SULT6B1: variants seen among roughly 807,000 people sequenced by gnomAD.
The protein encoded by SULT6B1 is sulfotransferase family 6B member 1, also known as sulfotransferase 6B1.
In SULT6B1, 44 loss-of-function variants were observed where a neutral mutation model predicts 37.2. That is an observed-to-expected ratio of 1.18 (90% CI 0.93 to 1.52). SULT6B1 has a LOEUF of 1.52. SULT6B1 is among the 40% of genes most tolerant of loss of function. SULT6B1 has a pLI of 0.00. For synonymous variants in SULT6B1, 140 were observed against 126.0 expected (o/e 1.11, Z -0.74); for missense variants, 450 against 361.0 (o/e 1.25, Z -2.00).
chr2:37,179,192 T>G (rs1558447797), intron 4 of SULT6B1, among the ~76,000 whole-genome samples: 1 of 152,134 alleles, frequency 6.6e-6, no homozygotes, highest in Non-Finnish European at 1.5e-5. Flanking sequence ...TCTCCTGACC[T>G]TGTGATCTGC....
rs199736299 is a variant in SULT6B1 at position 37,183,445 on chromosome 2, T to C, written c.382A>G (p.Ile128Val). The change falls in exon 3 of 7, where the codon ATC becomes GTC. Residue 128 changes from isoleucine (I) to valine (V), a missense_variant. Coordinates refer to ENST00000535679, the MANE Select transcript of SULT6B1 (RefSeq NM_001367551.1). ...CTCACCTTGGCTTTATTCTCGAAGA[T>C]AGACCCAGGTAATTTGTCATAGTGG... ...HLHYDKLPGS[I>V]FENKAKILVI... 20 of 1,614,102 alleles carry C rather than the reference T, an allele frequency of 1.2e-5. No individual in the cohort carries two copies. Among genetic ancestry groups the C allele is most frequent in the East Asian group, 1.1e-4 (5 of 44,882 alleles).
chr2:37,168,533 G>T (rs1408592252), intron 6 of SULT6B1, among the ~76,000 whole-genome samples: 1 of 152,176 alleles, frequency 6.6e-6, no homozygotes, highest in African/African-American at 2.4e-5. Flanking sequence ...CACCATCTGT[G>T]GTGTGGGAGG....
chr2:37,174,292 T>G (rs1462513171), intron 5 of SULT6B1, among the ~76,000 whole-genome samples: 6 of 138,162 alleles, frequency 4.3e-5, no homozygotes, highest in Non-Finnish European at 9.1e-5. Context: ...TGGAGTGTGG[T>G]GGCCTAATCA....
intron 5 of SULT6B1, 109 bp downstream of exon 5, chr2:37,175,023 T>G: frequency 1.8e-6 from 1 of 568,744 alleles, no homozygotes; most frequent in Non-Finnish European, 2.9e-6. Context: ...TCTGGAATAT[T>G]TTTAAAAATT....
At chr2:37,177,361 T>C (rs1300819718) in intron 4 of SULT6B1, among the ~76,000 whole-genome samples, 2 of 134,686 alleles carry the variant, frequency 1.5e-5, no homozygotes, top group Non-Finnish European at 3.0e-5. Flanking sequence ...AAGGCTGCAG[T>C]GAGCCTTGCC....
At chr2:37,174,227 CTTTTTTTTTTT>C (rs35100458) in intron 5 of SULT6B1, among the ~76,000 whole-genome samples, 1 of 58,478 alleles carries the variant, frequency 1.7e-5, no homozygotes, top group African/African-American at 6.7e-5. Context: ...TCTTCCTATT[CTTTTTTTTTTT>C]TTTTTTTTTT....
chr2:37,181,418 G>A (rs528034817), intron 3 of SULT6B1, among the ~76,000 whole-genome samples: 1 of 152,252 alleles, frequency 6.6e-6, no homozygotes, highest in Admixed American at 6.5e-5. Flanking sequence ...GTCTGACTCT[G>A]TTACCCAGGC....
chr2:37,174,068 T>C (rs780623194), intron 5 of SULT6B1, among the ~76,000 whole-genome samples: 15 of 152,040 alleles, frequency 9.9e-5, no homozygotes, highest in Non-Finnish European at 2.1e-4. Context: ...ACATCTGCTG[T>C]CCCTTAATCT....
chr2:37,187,872 AG>A (rs1315226444), intron 1 of SULT6B1, among the ~76,000 whole-genome samples: 2 of 151,886 alleles, frequency 1.3e-5, no homozygotes, highest in Admixed American at 6.6e-5. Flanking sequence ...TAAGAAAAAA[AG>A]ATATTAAATG....
intron 2 of SULT6B1, among the ~76,000 whole-genome samples, chr2:37,184,113 C>G (rs1427491799): frequency 6.6e-6 from 1 of 152,136 alleles, no homozygotes; most frequent in African/African-American, 2.4e-5. Context: ...CATATCAAAT[C>G]CATTTTGTTC....
chr2:37,194,687 G>C lies in SULT6B1; in HGVS notation c.-22+1829C>G. 2.6e-5 allele frequency: 6 copies of C among 228,972 alleles called. 1 individual carries two copies. In the South Asian group the frequency reaches 3.4e-4, roughly 13 times the overall value. The allele number at this position is 228,972 out of a possible 1,614,324, so 14.2% of individuals were successfully genotyped here. A position where few individuals can be genotyped will look rare whatever the true frequency, so the allele number is the denominator to read the frequency against. The stretch of plus-strand genomic sequence containing the variant: ...TGTATTCTTGGGTCATCACCTCGTT[G>C]ATGGCAGAATGGTCCATTTTCTTCT... On this transcript the variant is annotated intron_variant, in intron 1 of 7. Transcript: ENST00000407963.
rs1210009673 is a variant in SULT6B1, at chr2:37,183,533, A to T, written c.313-19T>A. On this transcript the variant is annotated intron_variant, in intron 2 of 6. Coordinates refer to ENST00000535679, the MANE Select transcript of SULT6B1 (RefSeq NM_001367551.1). Reference sequence around the variant, plus strand: ...TCATTCTCTTAAAAATATACACAAAAAGGTGAAAATGTGCACGTGTGTGCA... The same window carrying T: ...TCATTCTCTTAAAAATATACACAAATAGGTGAAAATGTGCACGTGTGTGCA... 7 of 1,593,596 alleles carry T rather than the reference A, an allele frequency of 4.4e-6. No homozygotes were observed. Among genetic ancestry groups the T allele is most frequent in the Admixed American group, 1.7e-5 (1 of 59,960 alleles).
chr2:37,187,937 C>G (rs1676708699), intron 1 of SULT6B1, among the ~76,000 whole-genome samples: 1 of 152,134 alleles, frequency 6.6e-6, no homozygotes, highest in African/African-American at 2.4e-5. Flanking sequence ...TGGTAGAAAG[C>G]AGGATCATCT....
At chr2:37,182,625 T>C (rs1304905405) in intron 3 of SULT6B1, among the ~76,000 whole-genome samples, 1 of 152,114 alleles carries the variant, frequency 6.6e-6, no homozygotes, top group Admixed American at 6.6e-5. Context: ...CACCGCACCC[T>C]GCAGGGAGTT....
At chr2:37,183,379 T>G in intron 3 of SULT6B1, 46 bp downstream of exon 3, 2 of 1,464,414 alleles carry the variant, frequency 1.4e-6, no homozygotes. Flanking sequence ...AACTAATATC[T>G]ATACATAGAA....
chr2:37,192,366 T>A (rs1220297438), upstream of SULT6B1, among the ~76,000 whole-genome samples: 2 of 152,188 alleles, frequency 1.3e-5, no homozygotes, highest in Non-Finnish European at 2.9e-5. Flanking sequence ...GGGAAAGAAC[T>A]GACCAGAGAG....
chr2:37,171,216 G>A (rs1676290080), intron 6 of SULT6B1, among the ~76,000 whole-genome samples: 1 of 152,140 alleles, frequency 6.6e-6, no homozygotes, highest in African/African-American at 2.4e-5. Context: ...CTCCAGCCTG[G>A]GCAACAGAGC....
intron 6 of SULT6B1, among the ~76,000 whole-genome samples, chr2:37,170,677 G>T (rs1222753888): frequency 6.8e-6 from 1 of 146,680 alleles, no homozygotes; most frequent in East Asian, 2.1e-4. Context: ...AGCAGAGGTT[G>T]CAGTGAGCCA....
chr2:37,195,367 A>C (rs777559453), intron 1 of SULT6B1, among the ~76,000 whole-genome samples: 40 of 152,258 alleles, frequency 2.6e-4, no homozygotes, highest in Non-Finnish European at 3.2e-4. Flanking sequence ...TTCTCCCTAA[A>C]TTCATATGTT....
Sources: gnomAD v4.1 joint callset for allele counts (sites outside exome capture counted in the v4.1 genomes callset) on GRCh38, gnomAD v4.1.1 for gene constraint, MANE v1.5 for transcripts, NCBI Gene and HGNC (gene_info 2026-07-23, HGNC 2026-07-21) for gene names.